The following DCHS2 variants were observed in gnomAD, a reference collection of about 807,000 sequenced individuals.
The protein encoded by DCHS2 is protocadherin-23.
In DCHS2, 142 loss-of-function variants were observed where a neutral mutation model predicts 182.4. The observed-to-expected ratio is 0.78, with a 90% CI of 0.68 to 0.89. The LOEUF (loss-of-function observed/expected upper bound fraction) is 0.89. Among genes scored for constraint, DCHS2 ranks in the 40% least tolerant of loss-of-function variants. The pLI is 0.00. For missense variants in DCHS2, 4,319 were observed against 4,198.6 expected, an observed-to-expected ratio of 1.03 and a Z score of -0.79; for synonymous variants, 1,740 against 1,663.3, an observed-to-expected ratio of 1.05 and a Z score of -1.12.
intron 1 of DCHS2, among the ~76,000 whole-genome samples, chr4:154,423,174 C>T (rs1733180381): frequency 1.3e-5 from 2 of 152,130 alleles, no homozygotes; most frequent in Non-Finnish European, 2.9e-5. Flanking sequence ...TGAAAAGAAA[C>T]TCTGTAGCCT....
intron 3 of DCHS2, among the ~76,000 whole-genome samples, chr4:154,362,632 T>C (rs1028127760): frequency 4.6e-5 from 7 of 152,070 alleles, no homozygotes; most frequent in Non-Finnish European, 8.8e-5. Context: ...AGTCCACTTA[T>C]ACACAGATAG....
At chr4:154,464,528 C>CT (rs1304339336) in intron 1 of DCHS2, among the ~76,000 whole-genome samples, 5 of 152,028 alleles carry the variant, frequency 3.3e-5, no homozygotes, top group Admixed American at 2.6e-4. Flanking sequence ...AACTAAGAAA[C>CT]TAAGTGATTA....
intron 1 of DCHS2, among the ~76,000 whole-genome samples, chr4:154,456,154 T>C (rs1734757712): frequency 6.6e-6 from 1 of 152,244 alleles, no homozygotes; most frequent in East Asian, 1.9e-4. Flanking sequence ...GTATATATAG[T>C]ATATAGGTTT....
chr4:154,490,614 G>A lies in DCHS2; in HGVS notation c.742C>T (p.Leu248=). ...GSSSPLEPLD[L]VLLRRLDREE... ...CGGTCCAAGCGCCGCAGCAGCACCA[G>A]ATCTAGAGGCTCCAGGGGTGACGAG... is the stretch of plus-strand genomic sequence containing the variant. Residue 248 remains leucine, a synonymous_variant, in exon 1 of 20, where the codon CTG becomes TTG. Coordinates refer to ENST00000357232, the MANE Select transcript of DCHS2 (RefSeq NM_001358235.2). 1.3e-6 allele frequency: 2 copies of A among 1,549,418 alleles called. No individual in the cohort carries two copies. The highest frequency in any genetic ancestry group is 8.7e-7 in the Non-Finnish European group (1 of 1,146,794).
At chr4:154,359,310 T>C (rs911089740) in intron 3 of DCHS2, among the ~76,000 whole-genome samples, 1 of 152,050 alleles carries the variant, frequency 6.6e-6, no homozygotes, top group Non-Finnish European at 1.5e-5. Context: ...GATGCAGTAC[T>C]AAGTGAACTT....
chr4:154,328,944 T>C (rs960397181), intron 6 of DCHS2, among the ~76,000 whole-genome samples: 11 of 152,212 alleles, frequency 7.2e-5, no homozygotes, highest in Non-Finnish European at 1.3e-4. Flanking sequence ...AAATTATTAG[T>C]AGGTCCAAAC....
At chr4:154,453,797 T>C (rs1019541467) in intron 1 of DCHS2, among the ~76,000 whole-genome samples, 6 of 152,170 alleles carry the variant, frequency 3.9e-5, no homozygotes, top group Non-Finnish European at 7.4e-5. Flanking sequence ...CCTATCTAAT[T>C]CCATCATGGA....
chr4:154,486,618 T>C, intron 1 of DCHS2: 1 of 1,156,020 alleles, frequency 8.7e-7, no homozygotes, highest in Non-Finnish European at 1.1e-6. Context: ...ACACAGGAGG[T>C]GTCATGAGAT....
chr4:154,434,454 C>T (rs1223447297), intron 1 of DCHS2, among the ~76,000 whole-genome samples: 1 of 151,854 alleles, frequency 6.6e-6, no homozygotes, highest in Admixed American at 6.6e-5. Context: ...AAAAATAATA[C>T]AATATATTGT....
rs576097143 is a variant in DCHS2 at position 154,236,253 on chromosome 4, G to A, written c.8399C>T (p.Pro2800Leu). 52 of 1,613,972 alleles carry A rather than the reference G, an allele frequency of 3.2e-5. No individual in the cohort carries two copies. The highest frequency in any genetic ancestry group is 1.2e-4 in the African/African-American group (9 of 75,024). The change falls in exon 20 of 20, where the codon CCG (proline) becomes CTG (leucine). Residue 2800 changes from proline to leucine, a missense_variant. Pro to Leu is a moderately conservative substitution (Grantham distance 98). Coordinates refer to ENST00000357232, the MANE Select transcript of DCHS2 (RefSeq NM_001358235.2). ...SINALDFDAG[P>L]YGELTYSIVS... ...AATAGAATAGGTCAATTCTCCATAC[G>A]GACCAGCATCAAAATCCAGAGCATT...
intron 1 of DCHS2, among the ~76,000 whole-genome samples, chr4:154,464,881 G>C (rs559114526): frequency 2.6e-5 from 4 of 152,108 alleles, no homozygotes; most frequent in Non-Finnish European, 5.9e-5. Context: ...CACAACTTCC[G>C]CCCTTGCAAC....
At chr4:154,450,687 G>C (rs745667952) in intron 1 of DCHS2, among the ~76,000 whole-genome samples, 12 of 152,064 alleles carry the variant, frequency 7.9e-5, no homozygotes, top group Non-Finnish European at 1.3e-4. Context: ...ACAAAAATTA[G>C]CCAGGCATAG....
chr4:154,343,019 G>GA (rs1347590878), intron 3 of DCHS2, among the ~76,000 whole-genome samples: 2 of 152,160 alleles, frequency 1.3e-5, no homozygotes, highest in Non-Finnish European at 2.9e-5. Flanking sequence ...GAGGCATTAA[G>GA]AAAAAACCTC....
At chr4:154,279,204 A>G (rs1734007369) in intron 13 of DCHS2, among the ~76,000 whole-genome samples, 1 of 152,052 alleles carries the variant, frequency 6.6e-6, no homozygotes, top group Non-Finnish European at 1.5e-5. Flanking sequence ...TATAGTCTCC[A>G]TAGTAACCAC....
intron 16 of DCHS2, among the ~76,000 whole-genome samples, chr4:154,246,023 A>G (rs1270998052): frequency 3.3e-5 from 5 of 152,082 alleles, no homozygotes; most frequent in African/African-American, 7.2e-5. Flanking sequence ...CCATCTCTCA[A>G]TTTTGCTGTG....
At chr4:154,365,211 A>C (rs1439737249) in intron 3 of DCHS2, among the ~76,000 whole-genome samples, 1 of 152,174 alleles carries the variant, frequency 6.6e-6, no homozygotes, top group Non-Finnish European at 1.5e-5. Context: ...TAAAACCCAA[A>C]GAGACTAAGG....
chr4:154,380,675 A>T (rs1450038418), intron 1 of DCHS2, among the ~76,000 whole-genome samples: 1 of 152,168 alleles, frequency 6.6e-6, no homozygotes, highest in Non-Finnish European at 1.5e-5. Flanking sequence ...CAAAAGTAGG[A>T]TAAAAGTATT....
intron 1 of DCHS2, among the ~76,000 whole-genome samples, chr4:154,482,443 T>C (rs1735958137): frequency 6.6e-6 from 1 of 152,022 alleles, no homozygotes; most frequent in South Asian, 2.1e-4. Context: ...ATATCAGACA[T>C]TGAAAAAGAT....
At chr4:154,450,816 C>T (rs564021965) in intron 1 of DCHS2, among the ~76,000 whole-genome samples, 2 of 151,926 alleles carry the variant, frequency 1.3e-5, no homozygotes, top group Non-Finnish European at 1.5e-5. Context: ...GAGTGAAACT[C>T]CCATCTCAGA....
Sources: allele counts gnomAD v4.1 joint callset (sites outside exome capture counted in the v4.1 genomes callset), GRCh38; gene constraint gnomAD v4.1.1; transcripts MANE v1.5; gene names NCBI Gene and HGNC (gene_info 2026-07-23, HGNC 2026-07-21).